The following LDLRAD4 variants were observed in gnomAD, a reference collection of about 807,000 sequenced individuals.
The protein encoded by LDLRAD4 is low density lipoprotein receptor class A domain containing 4.
In LDLRAD4, 5 loss-of-function variants were observed where a neutral mutation model predicts 17.0. The observed-to-expected ratio is 0.29, with a 90% CI of 0.15 to 0.62. The LOEUF (loss-of-function observed/expected upper bound fraction) is 0.62, where lower values mean the gene tolerates loss of function less well. Ranked by LOEUF, LDLRAD4 falls within the 20% of genes least tolerant of loss-of-function variation. The probability of loss-of-function intolerance (pLI) is 0.84; values close to 1 mark genes in which losing one functional copy is unlikely to be tolerated. For missense variants in LDLRAD4, 340 were observed against 424.7 expected (o/e 0.80, Z 1.75); for synonymous variants, 168 against 171.8 (o/e 0.98, Z 0.17).
At chr18:13,549,827 C>A (rs2094412056) in intron 3 of LDLRAD4, among the ~76,000 whole-genome samples, 1 of 152,072 alleles carries the variant, frequency 6.6e-6, no homozygotes, top group Non-Finnish European at 1.5e-5. Flanking sequence ...GGGAAGCCAG[C>A]AGCAGACAGG....
chr18:13,272,999 GT>G (rs1415235371), intron 1 of LDLRAD4, among the ~76,000 whole-genome samples: 1 of 152,214 alleles, frequency 6.6e-6, no homozygotes, highest in African/African-American at 2.4e-5. Flanking sequence ...TAGTAAAGAT[GT>G]TAGAAAATTG....
chr18:13,534,084 T>C (rs2094167965), intron 3 of LDLRAD4, among the ~76,000 whole-genome samples: 1 of 152,178 alleles, frequency 6.6e-6, no homozygotes, highest in Non-Finnish European at 1.5e-5. Context: ...AGCCATATCC[T>C]TCTCACTTCT....
At chr18:13,318,672 T>G (rs1343620165) in intron 1 of LDLRAD4, among the ~76,000 whole-genome samples, 1 of 152,226 alleles carries the variant, frequency 6.6e-6, no homozygotes, top group Non-Finnish European at 1.5e-5. Context: ...GCTCTTAATG[T>G]GCCGCTAGGC....
intron 3 of LDLRAD4, among the ~76,000 whole-genome samples, chr18:13,476,258 T>G (rs2092936869): frequency 6.6e-6 from 1 of 152,146 alleles, no homozygotes; most frequent in Admixed American, 6.5e-5. Context: ...CCTCACTGTT[T>G]TAAAAATGAA....
chr18:13,601,104 C>T (rs564323535), intron 3 of LDLRAD4, among the ~76,000 whole-genome samples: 15 of 152,280 alleles, frequency 9.9e-5, no homozygotes, highest in South Asian at 4.1e-4. Context: ...AAAGTCCAGT[C>T]GATCCATCTC....
At chr18:13,291,883 A>G in intron 1 of LDLRAD4, among the ~76,000 whole-genome samples, 1 of 152,068 alleles carries the variant, frequency 6.6e-6, no homozygotes, top group Non-Finnish European at 1.5e-5. Flanking sequence ...GGCGTTTTTC[A>G]TTTACCAGGA....
At chr18:13,236,600 G>A (rs9652932) in intron 1 of LDLRAD4, 3,559 of 152,472 alleles carry the variant, frequency 0.023, 146 homozygotes, top group African/African-American at 0.083. Flanking sequence ...ACAGGCGTGA[G>A]CCACCACGTC....
intron 3 of LDLRAD4, chr18:13,484,136 T>C (rs1372377114): frequency 6.6e-6 from 1 of 152,206 alleles, no homozygotes; most frequent in Non-Finnish European, 1.5e-5. Context: ...CTCACCTTCG[T>C]TTTCCTTCCC....
At position 13,612,290 on chromosome 18, in the gene LDLRAD4, G is replaced by T. The variant is rs555784837; in HGVS notation, c.182-8827G>T. 1,862 of 1,021,418 alleles carry T rather than the reference G, an allele frequency of 1.8e-3. 2 individuals carry two copies. The highest frequency in any genetic ancestry group is 2.0e-3 in the Non-Finnish European group (1,746 of 852,344). 63.3% of individuals were successfully genotyped at this position (1,021,418 alleles called of 1,614,324 possible). A position where few individuals can be genotyped will look rare whatever the true frequency, so the allele number is the denominator to read the frequency against. Reference sequence around the variant, plus strand: ...TGTGAGGCCAAACCTGAGAAGTGCAGACTGCTCACTGATAGACGTTGCTGT... The same window carrying T: ...TGTGAGGCCAAACCTGAGAAGTGCATACTGCTCACTGATAGACGTTGCTGT... On this transcript the variant is annotated intron_variant, in intron 3 of 5. Transcript: ENST00000359446.
chr18:13,629,586 C>T (rs757238565), intron 4 of LDLRAD4, among the ~76,000 whole-genome samples: 9 of 152,044 alleles, frequency 5.9e-5, no homozygotes, highest in Admixed American at 1.3e-4. Context: ...CTATAGACTC[C>T]CAGAGTAATT....
chr18:13,353,772 T>C (rs935352368), intron 1 of LDLRAD4, among the ~76,000 whole-genome samples: 12 of 152,120 alleles, frequency 7.9e-5, no homozygotes, highest in Admixed American at 1.3e-4. Context: ...GGCTGGGAAG[T>C]AGGGGAAAAA....
intron 4 of LDLRAD4, among the ~76,000 whole-genome samples, chr18:13,624,157 C>T (rs554241580): frequency 1.1e-5 from 1 of 91,528 alleles, no homozygotes; most frequent in Non-Finnish European, 1.8e-5. Context: ...GAGCCGGCCC[C>T]ACCAGGTGCT....
chr18:13,412,723 G>T (rs2088494375), intron 2 of LDLRAD4, among the ~76,000 whole-genome samples: 1 of 152,152 alleles, frequency 6.6e-6, no homozygotes, highest in Non-Finnish European at 1.5e-5. Flanking sequence ...CTCTTGGAGG[G>T]CATGGATTTT....
intron 2 of LDLRAD4, among the ~76,000 whole-genome samples, chr18:13,425,256 G>T (rs1013079655): frequency 1.3e-5 from 2 of 152,188 alleles, no homozygotes; most frequent in African/African-American, 4.8e-5. Flanking sequence ...CATAGTCCTG[G>T]ACCTGGGTGT....
intron 3 of LDLRAD4, among the ~76,000 whole-genome samples, chr18:13,549,834 C>T (rs1251948741): frequency 1.3e-5 from 2 of 152,148 alleles, no homozygotes; most frequent in African/African-American, 4.8e-5. Context: ...CAGCAGCAGA[C>T]AGGTCAAGAA....
intron 1 of LDLRAD4, among the ~76,000 whole-genome samples, chr18:13,380,912 C>T (rs765471527): frequency 7.9e-5 from 12 of 152,016 alleles, no homozygotes; most frequent in Non-Finnish European, 1.2e-4. Flanking sequence ...TTATTTTGCC[C>T]CCCCACATCA....
chr18:13,592,620 C>G (rs976086550), intron 3 of LDLRAD4, among the ~76,000 whole-genome samples: 2 of 152,120 alleles, frequency 1.3e-5, no homozygotes, highest in Non-Finnish European at 2.9e-5. Flanking sequence ...ATGTGGTCAA[C>G]CAGGCTTTTA....
At chr18:13,278,715 G>C (rs762881002) in intron 1 of LDLRAD4, among the ~76,000 whole-genome samples, 2 of 152,080 alleles carry the variant, frequency 1.3e-5, no homozygotes, top group African/African-American at 2.4e-5. Flanking sequence ...TTGCTTATGG[G>C]AAATCCCTTT....
At chr18:13,615,131 C>T (rs1045873403) in intron 3 of LDLRAD4, 5 of 152,298 alleles carry the variant, frequency 3.3e-5, no homozygotes, top group Non-Finnish European at 5.9e-5. Context: ...GAAGTGACCT[C>T]GCAGGGTGGG....
Sources: allele counts gnomAD v4.1 joint callset (sites outside exome capture counted in the v4.1 genomes callset), GRCh38; gene constraint gnomAD v4.1.1; transcripts MANE v1.5; gene names NCBI Gene and HGNC (gene_info 2026-07-23, HGNC 2026-07-21).